LUC7L2: variants seen among roughly 807,000 people sequenced by gnomAD.
LUC7L2 encodes the protein putative RNA-binding protein Luc7-like 2.
LUC7L2 carries 25 observed loss-of-function variants against 52.8 expected under a neutral mutation model. That is an observed-to-expected ratio of 0.47 (90% confidence interval 0.34 to 0.66). LUC7L2 has a LOEUF of 0.66. Among genes scored for constraint, LUC7L2 ranks in the 30% least tolerant of loss-of-function variants. The pLI is 0.01. For missense variants in LUC7L2, 328 were observed against 497.8 expected (o/e 0.66, Z 3.25); for synonymous variants, 144 against 160.9 (o/e 0.89, Z 0.80).
At chr7:139,381,716 A>G (rs886933240) in intron 2 of LUC7L2, among the ~76,000 whole-genome samples, 17 of 151,496 alleles carry the variant, frequency 1.1e-4, no homozygotes, top group South Asian at 4.2e-4. Flanking sequence ...AGCTGAGATT[A>G]CAGACACACG....
chr7:139,412,424 C>T (rs1015913091), intron 7 of LUC7L2, 127 bp from the exon 8 acceptor site: 26 of 1,152,406 alleles, frequency 2.3e-5, no homozygotes, highest in East Asian at 1.7e-4. Flanking sequence ...ATTTTGTGTG[C>T]GTAGGTACAC....
In LUC7L2 at chr7:139,410,588, C is replaced by G. The variant is rs557498781; in HGVS notation, c.779+934C>G. ...GTGGCAACATTTTTTTGTAACTCAT[C>G]TTTTTAACTTCAGCAGCTTTAGGAT... On this transcript the variant is annotated intron_variant, in intron 7 of 9. Transcript: ENST00000354926. Among the ~76,000 whole-genome samples the G allele has an allele frequency of 5.9e-5, 9 of 152,208 alleles. No homozygotes were observed. The East Asian group carries it at 1.4e-3, about 23-fold the overall frequency.
rs574258390 is a variant in LUC7L2 at position 139,360,070 on chromosome 7, C to T, written c.-192C>T. 7.2e-6 allele frequency: 4 copies of T among 554,438 alleles called. No individual in the cohort carries two copies. The highest frequency in any genetic ancestry group is 4.0e-5 in the African/African-American group (2 of 50,230). The allele number at this position is 554,438 out of a possible 1,614,324, so 34.3% of individuals were successfully genotyped here. A position where few individuals can be genotyped will look rare whatever the true frequency, so the allele number is the denominator to read the frequency against. On this transcript the variant is annotated 5_prime_UTR_variant, in exon 1 of 10. In the 5' UTR this introduces an upstream ATG that the reference lacks. Transcript: ENST00000354926. ...CGCTGTCGGGGGCTGTCGTCTTCCA[C>T]GTACACGTCGTCGTGAGGAGCGCAG... is the stretch of plus-strand genomic sequence containing the variant.
chr7:139,386,340 C>T (rs1794191212), intron 2 of LUC7L2, among the ~76,000 whole-genome samples: 1 of 151,514 alleles, frequency 6.6e-6, no homozygotes, highest in South Asian at 2.1e-4. Flanking sequence ...CCACAAACAT[C>T]AAGCACATTT....
intron 1 of LUC7L2, among the ~76,000 whole-genome samples, chr7:139,361,950 A>G (rs1799905731): frequency 6.6e-6 from 1 of 152,162 alleles, no homozygotes; most frequent in Admixed American, 6.5e-5. Context: ...GGGTAGTTGG[A>G]TCAAGGTAAA....
Position 139,360,215 on chromosome 7 carries a change from C to T in LUC7L2, c.-47C>T. ...CCCCTTATCCCCCAGCCCAAAAGGG[C>T]CCGGTCTGCGCCCCACCCCCGCCCG... On this transcript the variant is annotated 5_prime_UTR_variant, in exon 1 of 10. Coordinates refer to ENST00000354926, the MANE Select transcript of LUC7L2 (RefSeq NM_016019.5). 6.8e-7 allele frequency: 1 copy of T among 1,479,622 alleles called. No individual in the cohort carries two copies. 91.7% of individuals were successfully genotyped at this position (1,479,622 alleles called of 1,614,324 possible). A position where few individuals can be genotyped will look rare whatever the true frequency, so the allele number is the denominator to read the frequency against.
chr7:139,380,153 T>C (rs1800924701), intron 2 of LUC7L2, among the ~76,000 whole-genome samples: 1 of 152,018 alleles, frequency 6.6e-6, no homozygotes, highest in Non-Finnish European at 1.5e-5. Context: ...CACTCCAGTC[T>C]GGGTGACAGA....
chr7:139,344,367 C>T (rs905311156), intron 1 of LUC7L2, among the ~76,000 whole-genome samples: 2 of 152,070 alleles, frequency 1.3e-5, no homozygotes, highest in Non-Finnish European at 2.9e-5. Context: ...TGCAATATAA[C>T]CTATGCACAT....
chr7:139,392,072 A>C (rs1185647011), intron 2 of LUC7L2, among the ~76,000 whole-genome samples: 3 of 152,178 alleles, frequency 2.0e-5, no homozygotes, highest in African/African-American at 4.8e-5. Context: ...CATCATTTTT[A>C]AAGGCTAAAT....
chr7:139,368,616 T>C (rs1800285494), intron 1 of LUC7L2, among the ~76,000 whole-genome samples: 1 of 151,824 alleles, frequency 6.6e-6, no homozygotes, highest in African/African-American at 2.4e-5. Flanking sequence ...TGGGTGCCTG[T>C]AATCCCAGCC....
At chr7:139,400,210 C>G (rs1390580080) in intron 3 of LUC7L2, among the ~76,000 whole-genome samples, 1 of 152,084 alleles carries the variant, frequency 6.6e-6, no homozygotes, top group Non-Finnish European at 1.5e-5. Flanking sequence ...CGTGGTGGCT[C>G]GTAATCCCAG....
At chr7:139,382,519 A>G (rs1346217749) in intron 2 of LUC7L2, among the ~76,000 whole-genome samples, 1 of 151,994 alleles carries the variant, frequency 6.6e-6, no homozygotes, top group East Asian at 1.9e-4. Flanking sequence ...TAGCTAGAAC[A>G]ACAGCCACGC....
chr7:139,388,267 G>A (rs1175938947), intron 2 of LUC7L2, among the ~76,000 whole-genome samples: 1 of 151,948 alleles, frequency 6.6e-6, no homozygotes, highest in African/African-American at 2.4e-5. Context: ...CATATCTAGG[G>A]TCAGAAATGG....
chr7:139,360,461 G>A (rs1439819239), intron 1 of LUC7L2, 139 bp downstream of exon 1: 2 of 722,756 alleles, frequency 2.8e-6, no homozygotes, highest in South Asian at 1.8e-5. Context: ...CCCGTCCCCC[G>A]TCCCATCCAA....
intron 2 of LUC7L2, among the ~76,000 whole-genome samples, chr7:139,382,495 G>C (rs952428371): frequency 6.6e-6 from 1 of 152,008 alleles, no homozygotes; most frequent in Non-Finnish European, 1.5e-5. Context: ...TGATTTTCCT[G>C]CTAGTCTCCC....
intron 8 of LUC7L2, among the ~76,000 whole-genome samples, chr7:139,413,148 T>C (rs73468517): frequency 0.023 from 3,557 of 152,304 alleles, 150 homozygotes; most frequent in African/African-American, 0.08. Context: ...AGCAAGACAA[T>C]ACTTTGTTTT....
At chr7:139,368,022 CG>C (rs1198109579) in intron 1 of LUC7L2, among the ~76,000 whole-genome samples, 1 of 152,170 alleles carries the variant, frequency 6.6e-6, no homozygotes, top group Non-Finnish European at 1.5e-5. Context: ...AGTCGATTCA[CG>C]TGAGTCTGGA....
intron 1 of LUC7L2, among the ~76,000 whole-genome samples, chr7:139,361,662 A>T (rs776657897): frequency 2.6e-5 from 4 of 152,230 alleles, no homozygotes; most frequent in Admixed American, 6.5e-5. Flanking sequence ...AGTTAACATT[A>T]ACTTAAAATG....
At chr7:139,359,615 A>G, upstream of LUC7L2, 1 of 395,598 alleles carries the variant, frequency 2.5e-6, no homozygotes, top group Non-Finnish European at 4.5e-6. Flanking sequence ...TTGGGTCTGA[A>G]TCGCCATCAC....
Sources: allele counts gnomAD v4.1 joint callset (sites outside exome capture counted in the v4.1 genomes callset), GRCh38; gene constraint gnomAD v4.1.1; transcripts MANE v1.5; gene names NCBI Gene and HGNC (gene_info 2026-07-23, HGNC 2026-07-21).